The following SMG6 variants were observed in gnomAD, a reference collection of about 807,000 sequenced individuals.
SMG6 encodes the protein telomerase-binding protein EST1A.
In SMG6, 66 loss-of-function variants were observed where a neutral mutation model predicts 142.2. The ratio of observed to expected loss-of-function variants is 0.46; its 90% CI spans 0.38 to 0.57. SMG6 has a LOEUF of 0.57. Ranked by LOEUF, SMG6 falls within the 20% of genes least tolerant of loss-of-function variation. The pLI is 0.00. For missense variants in SMG6, 1,793 were observed against 1,832.0 expected (o/e 0.98, Z 0.39); for synonymous variants, 779 against 702.4 (o/e 1.11, Z -1.72).
At position 2,172,798 on chromosome 17, in the gene SMG6, G is replaced by A; in HGVS notation, c.3217C>T (p.Gln1073Ter). ...TCCTTGTACAGTGGCACCTCAGACTGATTCACTGCAGTCAGTATGTTACAG... is the reference window on the plus strand; with the variant it reads ...TCCTTGTACAGTGGCACCTCAGACTAATTCACTGCAGTCAGTATGTTACAG... ...DFCNILTAVNQSEVPLYKDPD... is the reference protein window; with the variant it reads ...DFCNILTAVN Residue 1073 changes from glutamine to a stop codon, truncating the protein, a stop_gained, in exon 13 of 19, where the codon CAG becomes TAG. Transcript: ENST00000263073. LOFTEE classifies it high-confidence loss of function. The A allele has an allele frequency of 6.2e-7, 1 of 1,614,166 alleles. No individual in the cohort carries two copies. The highest frequency in any genetic ancestry group is 8.5e-7 in the Non-Finnish European group (1 of 1,180,028).
At chr17:2,238,492 C>G (rs1375047957) in intron 9 of SMG6, among the ~76,000 whole-genome samples, 2 of 152,182 alleles carry the variant, frequency 1.3e-5, no homozygotes, top group Non-Finnish European at 2.9e-5. Context: ...ATTTTAAACC[C>G]TGACACTGTG....
chr17:2,120,753 C>T (rs545755483), intron 13 of SMG6, among the ~76,000 whole-genome samples: 1 of 152,210 alleles, frequency 6.6e-6, no homozygotes, highest in South Asian at 2.1e-4. Context: ...CTTCATTAGT[C>T]ATCAGGGAGA....
At chr17:2,297,757 T>C in intron 3 of SMG6, 106 bp downstream of exon 3, 1 of 1,334,236 alleles carries the variant, frequency 7.5e-7, no homozygotes, top group Non-Finnish European at 1.0e-6. Flanking sequence ...GGGCAGTTTT[T>C]TTGTCGATAT....
chr17:2,243,407 G>C (rs535886540), intron 9 of SMG6, among the ~76,000 whole-genome samples: 1 of 152,202 alleles, frequency 6.6e-6, no homozygotes, highest in Non-Finnish European at 1.5e-5. Flanking sequence ...TAGGCCGGGC[G>C]TGGTGGTTCA....
chr17:2,119,495 A>G (rs2069616034), intron 13 of SMG6, among the ~76,000 whole-genome samples: 1 of 151,428 alleles, frequency 6.6e-6, no homozygotes, highest in Admixed American at 6.6e-5. Flanking sequence ...CACCCAGCCC[A>G]GAATTATTTA....
At position 2,100,290 on chromosome 17, in the gene SMG6, G is replaced by A. The variant is rs562045680; in HGVS notation, c.3358-14389C>T. 8.5e-5 allele frequency among the ~76,000 whole-genome samples: 13 copies of A among 152,142 alleles called. No homozygotes were observed. The East Asian group carries it at 2.5e-3, about 29-fold the overall frequency. On this transcript the variant is annotated intron_variant, in intron 13 of 18. Transcript: ENST00000263073. ...TGGCCTCAAATGACTCGCCCGCCTC[G>A]GCCTTCCAAAGTGTTCAAGTACAGG...
Position 2,197,525 on chromosome 17 carries a change from C to T in SMG6, c.2870-9010G>A, listed in dbSNP as rs2072367874. ...AGGCTGCAGTGACCCGTGACAGTGCCGCTGCACTCCAGCCTGGGTGACAGA... is the reference window on the plus strand; with the variant it reads ...AGGCTGCAGTGACCCGTGACAGTGCTGCTGCACTCCAGCCTGGGTGACAGA... On this transcript the variant is annotated intron_variant, in intron 10 of 18. Transcript: ENST00000263073. Among the ~76,000 whole-genome samples, 7 of 152,106 alleles carry T rather than the reference C, an allele frequency of 4.6e-5. No individual in the cohort carries two copies. In the South Asian group the frequency reaches 1.2e-3, roughly 27 times the overall value.
Position 2,300,546 on chromosome 17 carries a change from A to AG in SMG6, c.206dup (p.Gly70TrpfsTer3), listed in dbSNP as rs1354320498. The AG allele has an allele frequency of 1.2e-6, 2 of 1,613,992 alleles. No individual in the cohort carries two copies. The highest frequency in any genetic ancestry group is 1.7e-6 in the Non-Finnish European group (2 of 1,179,942). On this transcript the variant is annotated frameshift_variant, in exon 2 of 19. Transcript: ENST00000263073. LOFTEE classifies it high-confidence loss of function. ...TTTCATCTTTGAATTCCTCACTCCCAGGGGGTTCCTTGATTTTGGGCTTGT... is the reference window on the plus strand; with the variant it reads ...TTTCATCTTTGAATTCCTCACTCCCAGGGGGGTTCCTTGATTTTGGGCTTGT...
intron 15 of SMG6, 81 bp from the exon 16 acceptor site, chr17:2,069,012 G>T: frequency 7.0e-7 from 1 of 1,418,660 alleles, no homozygotes. Context: ...ACTACGGTGT[G>T]TCAGCATCCT....
At chr17:2,134,803 A>G (rs2070239836) in intron 13 of SMG6, among the ~76,000 whole-genome samples, 2 of 152,148 alleles carry the variant, frequency 1.3e-5, no homozygotes, top group African/African-American at 4.8e-5. Flanking sequence ...AAATGGCTTT[A>G]GCTATTCAAA....
chr17:2,158,505 T>C (rs1197155946), intron 13 of SMG6, among the ~76,000 whole-genome samples: 1 of 152,162 alleles, frequency 6.6e-6, no homozygotes, highest in Non-Finnish European at 1.5e-5. Context: ...CTGACAATAA[T>C]GATATCACAA....
chr17:2,152,025 T>G (rs1446203731), intron 13 of SMG6, among the ~76,000 whole-genome samples: 2 of 152,218 alleles, frequency 1.3e-5, no homozygotes, highest in Admixed American at 6.5e-5. Flanking sequence ...AAAAAACGAC[T>G]TCACTCTGGA....
At chr17:2,109,453 A>G (rs932572961) in intron 13 of SMG6, among the ~76,000 whole-genome samples, 4 of 152,102 alleles carry the variant, frequency 2.6e-5, no homozygotes, top group African/African-American at 9.7e-5. Context: ...TAGTAGAGAC[A>G]GGGTTTCGCC....
At position 2,110,395 on chromosome 17, in the gene SMG6, T is replaced by A. The variant is rs146091186; in HGVS notation, c.3358-24494A>T. Among the ~76,000 whole-genome samples, 3 of 152,330 alleles carry A rather than the reference T, an allele frequency of 2.0e-5. No homozygotes were observed. The East Asian group carries it at 5.8e-4, about 29-fold the overall frequency. ...TCTTCAGAGATAGTTCTGCATTTAC[T>A]GACATATGTGATTAACTACGAGCTC... is the stretch of plus-strand genomic sequence containing the variant. On this transcript the variant is annotated intron_variant, in intron 13 of 18. Transcript: ENST00000263073.
chr17:2,119,366 G>A (rs886800987), intron 13 of SMG6, among the ~76,000 whole-genome samples: 1 of 151,406 alleles, frequency 6.6e-6, no homozygotes, highest in African/African-American at 2.4e-5. Flanking sequence ...CATAATTTTT[G>A]TATTTTTAAT....
intron 15 of SMG6, among the ~76,000 whole-genome samples, chr17:2,077,301 A>T (rs1169707889): frequency 6.6e-6 from 1 of 152,234 alleles, no homozygotes; most frequent in East Asian, 1.9e-4. Context: ...AACATGAGAC[A>T]TGATGGCAGG....
At chr17:2,205,658 T>TAA (rs2072656492) in intron 10 of SMG6, among the ~76,000 whole-genome samples, 1 of 152,130 alleles carries the variant, frequency 6.6e-6, no homozygotes, top group Non-Finnish European at 1.5e-5. Context: ...TAGAAAGGAA[T>TAA]AAGTATATCA....
intron 9 of SMG6, among the ~76,000 whole-genome samples, chr17:2,239,138 C>T (rs959879686): frequency 6.6e-6 from 1 of 152,132 alleles, no homozygotes; most frequent in Admixed American, 6.5e-5. Flanking sequence ...TGCTTCACCC[C>T]GCATTACTGA....
chr17:2,117,243 C>T (rs959110567), intron 13 of SMG6, among the ~76,000 whole-genome samples: 1 of 151,898 alleles, frequency 6.6e-6, no homozygotes, highest in South Asian at 2.1e-4. Flanking sequence ...CACAGATATA[C>T]GTGGTCCTAG....
Sources: allele counts gnomAD v4.1 joint callset (sites outside exome capture counted in the v4.1 genomes callset), GRCh38; gene constraint gnomAD v4.1.1; transcripts MANE v1.5; gene names NCBI Gene and HGNC (gene_info 2026-07-23, HGNC 2026-07-21).